MAGI2: variants seen among roughly 807,000 people sequenced by gnomAD.
The protein encoded by MAGI2 is membrane-associated guanylate kinase, WW and PDZ domain-containing protein 2.
Under a neutral mutation model 133.3 loss-of-function variants are expected in MAGI2, and 35 were observed. The ratio of observed to expected loss-of-function variants is 0.26; its 90% CI spans 0.20 to 0.35. The LOEUF (loss-of-function observed/expected upper bound fraction) is 0.35. Ranked by LOEUF, MAGI2 falls within the 10% of genes least tolerant of loss-of-function variation. The probability of loss-of-function intolerance (pLI) is 1.00; values close to 1 mark genes in which losing one functional copy is unlikely to be tolerated. For missense variants in MAGI2, 1,636 were observed against 1,863.4 expected (o/e 0.88, Z 2.25); for synonymous variants, 729 against 710.6 (o/e 1.03, Z -0.41).
intron 2 of MAGI2, among the ~76,000 whole-genome samples, chr7:78,951,621 G>T (rs1801880462): frequency 6.6e-6 from 1 of 152,064 alleles, no homozygotes; most frequent in Non-Finnish European, 1.5e-5. Flanking sequence ...ATTTGGGTGG[G>T]GACATGGTGA....
At chr7:79,415,822 G>C (rs1470047090) in intron 1 of MAGI2, 1 of 152,310 alleles carries the variant, frequency 6.6e-6, no homozygotes, top group East Asian at 1.9e-4. Flanking sequence ...CAGCTAGTTT[G>C]TAAGAGAGAG....
intron 1 of MAGI2, among the ~76,000 whole-genome samples, chr7:79,073,888 C>T (rs959204755): frequency 1.3e-5 from 2 of 151,190 alleles, no homozygotes; most frequent in African/African-American, 4.9e-5. Flanking sequence ...CTTCTTCTTC[C>T]TAACTTCTTT....
intron 6 of MAGI2, among the ~76,000 whole-genome samples, chr7:78,445,651 T>A (rs917223373): frequency 1.3e-5 from 2 of 152,062 alleles, no homozygotes; most frequent in South Asian, 4.1e-4. Context: ...GCACATATAA[T>A]TTCATGTTCT....
At chr7:78,872,323 C>T (rs1446048212) in intron 2 of MAGI2, among the ~76,000 whole-genome samples, 1 of 151,386 alleles carries the variant, frequency 6.6e-6, no homozygotes, top group Non-Finnish European at 1.5e-5. Context: ...AAGAATAATA[C>T]ATGATCAAAA....
At chr7:78,385,057 T>C (rs1414086334) in intron 6 of MAGI2, among the ~76,000 whole-genome samples, 2 of 152,196 alleles carry the variant, frequency 1.3e-5, no homozygotes, top group African/African-American at 4.8e-5. Flanking sequence ...TTGAATGCTT[T>C]ATAGATAAGC....
chr7:78,512,153 G>A (rs1795657703), intron 4 of MAGI2, among the ~76,000 whole-genome samples: 1 of 148,764 alleles, frequency 6.7e-6, no homozygotes. Flanking sequence ...AAAAAAAAAG[G>A]TGTGAGTATA....
At chr7:79,223,156 A>G (rs1452929968) in intron 1 of MAGI2, among the ~76,000 whole-genome samples, 1 of 151,992 alleles carries the variant, frequency 6.6e-6, no homozygotes, top group Non-Finnish European at 1.5e-5. Context: ...AAGTGCTGGG[A>G]TTATAGGCGT....
At chr7:78,706,080 A>T (rs1459068317) in intron 2 of MAGI2, among the ~76,000 whole-genome samples, 1 of 152,096 alleles carries the variant, frequency 6.6e-6, no homozygotes, top group African/African-American at 2.4e-5. Context: ...CTCAAGCATC[A>T]TGCCCATTTA....
At chr7:78,292,051 C>T (rs1234891201) in intron 9 of MAGI2, among the ~76,000 whole-genome samples, 2 of 152,258 alleles carry the variant, frequency 1.3e-5, no homozygotes, top group African/African-American at 2.4e-5. Context: ...CTCACCACTC[C>T]TATTCAACAT....
chr7:79,219,708 A>G (rs529580273), intron 1 of MAGI2, among the ~76,000 whole-genome samples: 8 of 152,174 alleles, frequency 5.3e-5, no homozygotes, highest in Admixed American at 2.0e-4. Context: ...CTTATATTTC[A>G]GTGCCTTCAC....
chr7:78,729,684 T>A (rs1821179435), intron 2 of MAGI2, among the ~76,000 whole-genome samples: 1 of 152,224 alleles, frequency 6.6e-6, no homozygotes, highest in Non-Finnish European at 1.5e-5. Context: ...TCTAGATAGA[T>A]GCTTCATACT....
chr7:79,002,684 A>G, intron 2 of MAGI2, among the ~76,000 whole-genome samples: 1 of 143,890 alleles, frequency 6.9e-6, no homozygotes, highest in Non-Finnish European at 1.5e-5. Context: ...CTTCAATGAG[A>G]AAAAAAAAAT....
chr7:79,201,361 A>G (rs1257053310), intron 1 of MAGI2, among the ~76,000 whole-genome samples: 3 of 152,178 alleles, frequency 2.0e-5, no homozygotes, highest in South Asian at 4.1e-4. Flanking sequence ...TTATGTGAAT[A>G]TAAGAAAAAC....
chr7:78,307,382 T>C (rs180767043), intron 9 of MAGI2, among the ~76,000 whole-genome samples: 2 of 152,316 alleles, frequency 1.3e-5, no homozygotes, highest in African/African-American at 4.8e-5. Context: ...ATTTTTACTG[T>C]TCTCTGGATA....
chr7:79,354,800 C>T (rs994171527), intron 1 of MAGI2, among the ~76,000 whole-genome samples: 1 of 152,106 alleles, frequency 6.6e-6, no homozygotes, highest in African/African-American at 2.4e-5. Context: ...ATCAGGGTGC[C>T]TTAAAGGCAT....
intron 2 of MAGI2, among the ~76,000 whole-genome samples, chr7:78,732,088 A>C (rs1342394007): frequency 6.6e-6 from 1 of 152,200 alleles, no homozygotes; most frequent in Non-Finnish European, 1.5e-5. Context: ...AGAAAAGAAC[A>C]ATAAAATCTT....
At chr7:78,429,064 A>T (rs1208709799) in intron 6 of MAGI2, among the ~76,000 whole-genome samples, 1 of 152,152 alleles carries the variant, frequency 6.6e-6, no homozygotes, top group East Asian at 1.9e-4. Context: ...GTATCTAGAG[A>T]CTGTCTTCCA....
chr7:79,047,970 AT>A (rs1047662867), intron 1 of MAGI2, among the ~76,000 whole-genome samples: 3 of 152,312 alleles, frequency 2.0e-5, no homozygotes, highest in Admixed American at 2.0e-4. Context: ...AACTATGAAA[AT>A]GTAAGTTTCC....
chr7:78,093,135 C>G (rs1318148716), intron 20 of MAGI2, among the ~76,000 whole-genome samples: 2 of 52,630 alleles, frequency 3.8e-5, no homozygotes, highest in Non-Finnish European at 7.5e-5. Flanking sequence ...GACTCCTTCT[C>G]CAAAAAAAAA....
Sources: allele counts gnomAD v4.1 joint callset (sites outside exome capture counted in the v4.1 genomes callset), GRCh38; gene constraint gnomAD v4.1.1; transcripts MANE v1.5; gene names NCBI Gene and HGNC (gene_info 2026-07-23, HGNC 2026-07-21).